Variants in KIAA1217 observed in about 807,000 individuals in gnomAD.
KIAA1217 encodes KIAA1217.
In KIAA1217, 88 loss-of-function variants were observed where a neutral mutation model predicts 163.9. The ratio of observed to expected loss-of-function variants is 0.54; its 90% CI spans 0.45 to 0.64. KIAA1217 has a LOEUF of 0.64. KIAA1217 is among the 30% of genes least tolerant of loss of function. KIAA1217 has a pLI of 0.00. For missense variants in KIAA1217, 2,372 were observed against 2,475.0 expected, an observed-to-expected ratio of 0.96 and a Z score of 0.88; for synonymous variants, 903 against 923.1, an observed-to-expected ratio of 0.98 and a Z score of 0.39.
intron 1 of KIAA1217, among the ~76,000 whole-genome samples, chr10:23,776,708 T>C (rs930713055): frequency 6.5e-5 from 9 of 137,882 alleles, no homozygotes; most frequent in Non-Finnish European, 1.2e-4. Context: ...TGCGACAGAG[T>C]CTTGCTCTGT....
intron 2 of KIAA1217, among the ~76,000 whole-genome samples, chr10:24,149,480 G>A (rs1351742462): frequency 2.0e-5 from 3 of 151,272 alleles, no homozygotes; most frequent in Non-Finnish European, 4.4e-5. Context: ...CTCCATGCCT[G>A]GCCCTATTTT....
At position 24,500,332 on chromosome 10, in the gene KIAA1217, CGT is replaced by C. The variant is rs200860817; in HGVS notation, c.1835-1035_1835-1034del. Among the ~76,000 whole-genome samples the C allele has an allele frequency of 1.0e-2, 1,288 of 128,916 alleles. 24 individuals carry two copies. The highest frequency in any genetic ancestry group is 0.037 in the African/African-American group (1,234 of 33,612). The allele number at this position is 128,916 out of a possible 152,430, so 84.6% of individuals were successfully genotyped here. On this transcript the variant is annotated intron_variant, in intron 8 of 20. Transcript: ENST00000376454. Reference sequence around the variant, plus strand: ...TTTACTCCAGAACAGTGTGTGCATGCGTGTGTGTGTGTGCGTGTCTTTATTAG... The same window carrying C: ...TTTACTCCAGAACAGTGTGTGCATGCGTGTGTGTGTGCGTGTCTTTATTAG...
intron 2 of KIAA1217, among the ~76,000 whole-genome samples, chr10:24,165,123 A>T (rs1043483436): frequency 3.3e-5 from 5 of 152,254 alleles, no homozygotes; most frequent in Admixed American, 6.5e-5. Context: ...GTGGCCAGGA[A>T]GCCAACTGTA....
intron 2 of KIAA1217, among the ~76,000 whole-genome samples, chr10:24,341,838 C>T (rs2047140809): frequency 6.6e-6 from 1 of 151,814 alleles, no homozygotes; most frequent in Non-Finnish European, 1.5e-5. Context: ...TTCAAAGATT[C>T]CTTTCAGCTT....
At position 24,049,373 on chromosome 10, in the gene KIAA1217, G is replaced by T. The variant is rs57441257; in HGVS notation, c.-171+41999G>T. On this transcript the variant is annotated intron_variant, in intron 2 of 18. Coordinates refer to the KIAA1217 transcript ENST00000376462. ...ACAGTGGCATAGAAACCTAAAGATCGTATAAATTATCTCTTTTTTTAACTC... is the reference window on the plus strand; with the variant it reads ...ACAGTGGCATAGAAACCTAAAGATCTTATAAATTATCTCTTTTTTTAACTC... Among the ~76,000 whole-genome samples, 13 of 152,176 alleles carry T rather than the reference G, an allele frequency of 8.5e-5. No homozygotes were observed. The South Asian group carries it at 2.1e-3, about 24-fold the overall frequency.
At chr10:24,221,858 A>AC (rs901301474) in intron 2 of KIAA1217, among the ~76,000 whole-genome samples, 12 of 152,090 alleles carry the variant, frequency 7.9e-5, no homozygotes, top group Middle Eastern at 3.2e-3. Context: ...ACATAGCGAG[A>AC]CCCCATCTCA....
At chr10:24,060,373 CT>C (rs748350336) in intron 2 of KIAA1217, among the ~76,000 whole-genome samples, 55 of 151,980 alleles carry the variant, frequency 3.6e-4, no homozygotes, top group Non-Finnish European at 6.6e-4. Context: ...CTGGTTTTTT[CT>C]TTTACTCACT....
chr10:24,372,871 T>G (rs1420295193), intron 2 of KIAA1217, among the ~76,000 whole-genome samples: 1 of 152,206 alleles, frequency 6.6e-6, no homozygotes, highest in African/African-American at 2.4e-5. Flanking sequence ...AGATGTAATA[T>G]GTACAGATTT....
At chr10:24,016,852 T>A (rs1446276242) in intron 2 of KIAA1217, among the ~76,000 whole-genome samples, 1 of 151,534 alleles carries the variant, frequency 6.6e-6, no homozygotes. Context: ...GGCAAGCATT[T>A]AAAAAAAACG....
intron 1 of KIAA1217, among the ~76,000 whole-genome samples, chr10:23,732,522 T>A (rs1208393461): frequency 6.6e-6 from 1 of 152,122 alleles, no homozygotes; most frequent in East Asian, 1.9e-4. Context: ...CTATTAGTAA[T>A]TTGTGTTCTC....
chr10:24,176,522 C>A (rs973658033), intron 2 of KIAA1217, among the ~76,000 whole-genome samples: 1 of 151,690 alleles, frequency 6.6e-6, no homozygotes, highest in African/African-American at 2.4e-5. Flanking sequence ...ATTTACAAAC[C>A]CTTGGCTAGA....
At chr10:24,400,256 C>G (rs2056370229) in intron 3 of KIAA1217, among the ~76,000 whole-genome samples, 1 of 152,206 alleles carries the variant, frequency 6.6e-6, no homozygotes, top group African/African-American at 2.4e-5. Flanking sequence ...ACTTATACTA[C>G]CTGACCTGCA....
At chr10:23,705,278 T>A (rs1288424328) in intron 1 of KIAA1217, among the ~76,000 whole-genome samples, 1 of 152,156 alleles carries the variant, frequency 6.6e-6, no homozygotes, top group African/African-American at 2.4e-5. Flanking sequence ...TTTTAATATG[T>A]TGATGAAGTA....
chr10:23,817,691 G>A (rs1048698799), intron 1 of KIAA1217, among the ~76,000 whole-genome samples: 2 of 152,048 alleles, frequency 1.3e-5, no homozygotes, highest in Non-Finnish European at 2.9e-5. Flanking sequence ...TTTGAGAGAA[G>A]AAACATTTCA....
chr10:24,546,376 A>G lies in KIAA1217; in HGVS notation c.*52A>G. 1.3e-6 allele frequency: 2 copies of G among 1,494,460 alleles called. No homozygotes were observed. The highest frequency in any genetic ancestry group is 1.8e-6 in the Non-Finnish European group (2 of 1,112,120). The allele number at this position is 1,494,460 out of a possible 1,614,324, so 92.6% of individuals were successfully genotyped here. ...GGAGTTACATTTAAAAAAAATTAAC[A>G]GTCTACAACAACTGTTTTCACAAGA... On this transcript the variant is annotated 3_prime_UTR_variant, in exon 21 of 21. Coordinates refer to ENST00000376454, the MANE Select transcript of KIAA1217 (RefSeq NM_019590.5).
At chr10:23,742,814 C>T (rs1296902514) in intron 1 of KIAA1217, among the ~76,000 whole-genome samples, 1 of 152,176 alleles carries the variant, frequency 6.6e-6, no homozygotes, top group Non-Finnish European at 1.5e-5. Context: ...CACTGATGAA[C>T]AGCCAAGGTA....
intron 5 of KIAA1217, among the ~76,000 whole-genome samples, chr10:24,456,006 C>T (rs1294509711): frequency 6.6e-6 from 1 of 152,132 alleles, no homozygotes; most frequent in Non-Finnish European, 1.5e-5. Context: ...CCACCTTAGT[C>T]CCCCAAGTTG....
rs59687010 is a variant in KIAA1217, at chr10:24,369,179, ATGTGTGTGTGTG to A, written c.355-11662_355-11651del. ...CAGAAAGCTAGTTAGAACTTTCACT[ATGTGTGTGTGTG>A]TGTGTGTGTGTGTGTGTGTGTGTGT... On this transcript the variant is annotated intron_variant, in intron 2 of 20. Transcript: ENST00000376454. Among the ~76,000 whole-genome samples, 49 of 139,634 alleles carry A rather than the reference ATGTGTGTGTGTG, an allele frequency of 3.5e-4. No individual in the cohort carries two copies. The East Asian group carries it at 3.6e-3, about 10-fold the overall frequency. 91.6% of individuals were successfully genotyped at this position (139,634 alleles called of 152,430 possible).
At chr10:23,952,059 C>T (rs1844360121) in intron 1 of KIAA1217, among the ~76,000 whole-genome samples, 1 of 152,184 alleles carries the variant, frequency 6.6e-6, no homozygotes, top group South Asian at 2.1e-4. Context: ...GATGTTTCCC[C>T]TGGGGAACGG....
Sources: gnomAD v4.1 joint callset for allele counts (sites outside exome capture counted in the v4.1 genomes callset) on GRCh38, gnomAD v4.1.1 for gene constraint, MANE v1.5 for transcripts, NCBI Gene and HGNC (gene_info 2026-07-23, HGNC 2026-07-21) for gene names.